Variants in WDR19 observed in about 807,000 individuals in gnomAD.
WDR19 encodes the protein WD repeat domain 19.
A neutral mutation model predicts 180.0 loss-of-function variants in WDR19; 121 were observed. The observed-to-expected ratio is 0.67, with a 90% CI of 0.58 to 0.78. WDR19 has a LOEUF of 0.78. WDR19 is among the 30% of genes least tolerant of loss of function. The probability of loss-of-function intolerance (pLI) is 0.00; values close to 1 mark genes in which losing one functional copy is unlikely to be tolerated. For missense variants in WDR19, 1,450 were observed against 1,640.7 expected (o/e 0.88, Z 2.01); for synonymous variants, 497 against 540.7 (o/e 0.92, Z 1.12).
At position 39,205,282 on chromosome 4, in the gene WDR19, C is replaced by T. The variant is rs1416337138; in HGVS notation, c.716+16C>T. ...GCTATAATTGGTATGTCTGCTATAA[C>T]TGGTATGTACAAAAAGCTCATTACA... On this transcript the variant is annotated intron_variant, in intron 8 of 36. Transcript: ENST00000399820. The T allele has an allele frequency of 1.3e-6, 2 of 1,554,516 alleles. No individual in the cohort carries two copies. Among genetic ancestry groups the T allele is most frequent in the Non-Finnish European group, 1.8e-6 (2 of 1,141,466 alleles).
rs566315778 is a variant in WDR19 at position 39,283,593 on chromosome 4, T to TTA, written c.*14-1885_*14-1884dup. Among the ~76,000 whole-genome samples, 83 of 152,146 alleles carry TTA rather than the reference T, an allele frequency of 5.5e-4. 1 individual carries two copies. Among genetic ancestry groups the TTA allele is most frequent in the South Asian group, 1.2e-3 (6 of 4,826 alleles). On this transcript the variant is annotated intron_variant, in intron 36 of 36. Coordinates refer to ENST00000399820, the MANE Select transcript of WDR19 (RefSeq NM_025132.4). ...AATTTTGTACTTGATTAATATCCTA[T>TTA]TATATATATACACACACACACAAAT...
chr4:39,198,548 G>C lies in WDR19; in HGVS notation c.407-930G>C, dbSNP rs376745944. ...TGCACTCCAGCCTGGGCGACAGAGC[G>C]AGACTCCGTCTCAAAAAAAAAGACA... On this transcript the variant is annotated intron_variant, in intron 5 of 36. Coordinates refer to ENST00000399820, the MANE Select transcript of WDR19 (RefSeq NM_025132.4). Among the ~76,000 whole-genome samples, 43 of 150,066 alleles carry C rather than the reference G, an allele frequency of 2.9e-4. 1 individual carries two copies. In the East Asian group the frequency reaches 5.3e-3, roughly 18 times the overall value.
chr4:39,225,319 A>G (rs561042490), intron 15 of WDR19, among the ~76,000 whole-genome samples: 2 of 152,326 alleles, frequency 1.3e-5, no homozygotes, highest in Non-Finnish European at 2.9e-5. Context: ...TTACTGCACA[A>G]TACAATAATT....
intron 24 of WDR19, among the ~76,000 whole-genome samples, chr4:39,251,722 G>C (rs568271765): frequency 6.6e-6 from 1 of 152,032 alleles, no homozygotes; most frequent in Non-Finnish European, 1.5e-5. Flanking sequence ...CTTCTCAAAA[G>C]AAGACATTTA....
rs1306554397 is a variant in WDR19 at position 39,274,944 on chromosome 4, C to G, written c.3702C>G (p.Ile1234Met). The change falls in exon 33 of 37, where the codon ATC becomes ATG. Residue 1234 changes from isoleucine to methionine, a missense_variant. By Grantham distance (10) the Ile-to-Met change is conservative. Coordinates refer to ENST00000399820, the MANE Select transcript of WDR19 (RefSeq NM_025132.4). ...TAGATGCCAAATACAAAAAGAAGAT[C>G]GAGGGAATGGTCAGGTAGGCAGAGA... The part of the protein sequence containing the change: ...SKIDAKYKKK[I>M]EGMVRRPDIS... The G allele has an allele frequency of 4.5e-5, 73 of 1,613,810 alleles. No homozygotes were observed. Among genetic ancestry groups the G allele is most frequent in the Non-Finnish European group, 5.9e-5 (70 of 1,179,878 alleles).
At position 39,205,824 on chromosome 4, in the gene WDR19, G is replaced by A. The variant is rs188095597; in HGVS notation, c.890+88G>A. The A allele has an allele frequency of 5.0e-3, 6,115 of 1,227,030 alleles. 25 individuals are homozygous for A. The highest frequency in any genetic ancestry group is 6.2e-3 in the Non-Finnish European group (5,590 of 908,616). The allele number at this position is 1,227,030 out of a possible 1,614,324, so 76.0% of individuals were successfully genotyped here. On this transcript the variant is annotated intron_variant, in intron 9 of 36. Transcript: ENST00000399820. ...AACTTTGTTAGCTAATATGAATCTGGCAATCATGTTTACAATTTAAAACGT... is the reference window on the plus strand; with the variant it reads ...AACTTTGTTAGCTAATATGAATCTGACAATCATGTTTACAATTTAAAACGT...
At chr4:39,233,500 C>T (rs554861230) in intron 19 of WDR19, among the ~76,000 whole-genome samples, 1 of 152,246 alleles carries the variant, frequency 6.6e-6, no homozygotes, top group African/African-American at 2.4e-5. Flanking sequence ...TAGCACAGTG[C>T]CTGATCAATA....
intron 36 of WDR19, among the ~76,000 whole-genome samples, chr4:39,284,854 T>C (rs1191862561): frequency 1.3e-5 from 2 of 152,160 alleles, no homozygotes; most frequent in Admixed American, 6.5e-5. Context: ...CTTGCAGATA[T>C]GTCTTCATTG....
At chr4:39,243,347 C>A (rs1425118785) in intron 21 of WDR19, among the ~76,000 whole-genome samples, 11 of 152,050 alleles carry the variant, frequency 7.2e-5, no homozygotes, top group Non-Finnish European at 4.4e-5. Context: ...TTATCTCTAC[C>A]AATTTTATAA....
chr4:39,243,735 A>T (rs1255698166), intron 21 of WDR19, among the ~76,000 whole-genome samples: 1 of 152,236 alleles, frequency 6.6e-6, no homozygotes, highest in Non-Finnish European at 1.5e-5. Context: ...TTTACTAGAC[A>T]TGCTGATTTA....
intron 2 of WDR19, 57 bp from the exon 3 acceptor site, chr4:39,186,482 A>C (rs1255226297): frequency 4.3e-6 from 3 of 690,910 alleles, no homozygotes; most frequent in African/African-American, 5.2e-5. Context: ...CTGTCTCAAA[A>C]AAAAAAAAAA....
At chr4:39,195,736 A>G (rs924808205) in intron 5 of WDR19, among the ~76,000 whole-genome samples, 2 of 152,212 alleles carry the variant, frequency 1.3e-5, no homozygotes, top group South Asian at 2.1e-4. Flanking sequence ...TAAAGGAATT[A>G]CACTCTGGAG....
chr4:39,214,502 G>A (rs774954333), intron 9 of WDR19, 99 bp from the exon 10 acceptor site: 7 of 656,370 alleles, frequency 1.1e-5, no homozygotes, highest in Non-Finnish European at 1.8e-5. Flanking sequence ...ACATTTTGGA[G>A]ACCAGTAACC....
chr4:39,213,586 A>G (rs1728755107), intron 9 of WDR19, among the ~76,000 whole-genome samples: 1 of 152,196 alleles, frequency 6.6e-6, no homozygotes, highest in South Asian at 2.1e-4. Context: ...TGGGGTCAGA[A>G]GGAAGGAGGT....
chr4:39,253,930 TG>T lies in WDR19; in HGVS notation c.2904del (p.Ser969LeufsTer76). 1 of 1,608,938 alleles carries T rather than the reference TG, an allele frequency of 6.2e-7. No individual in the cohort carries two copies. Among genetic ancestry groups the T allele is most frequent in the Non-Finnish European group, 8.5e-7 (1 of 1,176,532 alleles). On this transcript the variant is annotated frameshift_variant, in exon 26 of 37. Coordinates refer to ENST00000399820, the MANE Select transcript of WDR19 (RefSeq NM_025132.4). LOFTEE classifies it high-confidence loss of function. ...GGTTTTTTCTACAGCTTGGTGACTA[TG>T]GGTCTGCCATCCAGTTTCTTGTCAT... ...ARFFLQLGDY[G>X]SAIQFLVMSK... is the part of the protein sequence containing the mutation.
chr4:39,272,516 C>T (rs572588964), intron 31 of WDR19, among the ~76,000 whole-genome samples: 29 of 152,190 alleles, frequency 1.9e-4, no homozygotes, highest in Non-Finnish European at 2.2e-4. Context: ...CCATCCTAAA[C>T]GCACCCCTCG....
intron 36 of WDR19, among the ~76,000 whole-genome samples, chr4:39,279,632 C>G (rs116859576): frequency 0.02 from 3,118 of 152,100 alleles, 67 homozygotes; most frequent in East Asian, 0.098. Context: ...CTCTTACATT[C>G]CCACCATCAG....
At chr4:39,258,225 T>G (rs1008202019) in intron 28 of WDR19, among the ~76,000 whole-genome samples, 22 of 152,094 alleles carry the variant, frequency 1.4e-4, no homozygotes, top group Admixed American at 1.2e-3. Flanking sequence ...CAATCTCGGC[T>G]CACTGCAACC....
At chr4:39,193,289 G>A (rs895528672) in intron 4 of WDR19, among the ~76,000 whole-genome samples, 12 of 151,548 alleles carry the variant, frequency 7.9e-5, no homozygotes, top group Non-Finnish European at 1.8e-4. Context: ...AGCCTCCTGA[G>A]TAGCTGGGAC....
Sources: allele counts gnomAD v4.1 joint callset (sites outside exome capture counted in the v4.1 genomes callset), GRCh38; gene constraint gnomAD v4.1.1; transcripts MANE v1.5; gene names NCBI Gene and HGNC (gene_info 2026-07-23, HGNC 2026-07-21).